Variants in SGK3 observed in about 807,000 individuals in gnomAD.
SGK3 encodes the protein serine/threonine-protein kinase Sgk3.
SGK3 carries 47 observed loss-of-function variants against 68.5 expected under a neutral mutation model. The ratio of observed to expected loss-of-function variants is 0.69; its 90% CI spans 0.54 to 0.87. SGK3 has a LOEUF of 0.87. SGK3 is among the 40% of genes least tolerant of loss of function. The pLI, the probability that SGK3 is intolerant of heterozygous loss-of-function variation, is 0.00. For synonymous variants in SGK3, 181 were observed against 189.1 expected, an observed-to-expected ratio of 0.96 and a Z score of 0.35; for missense variants, 479 against 575.5, an observed-to-expected ratio of 0.83 and a Z score of 1.72.
At chr8:66,833,911 G>A (rs1809403301) in intron 8 of SGK3, among the ~76,000 whole-genome samples, 1 of 151,814 alleles carries the variant, frequency 6.6e-6, no homozygotes, top group Non-Finnish European at 1.5e-5. Flanking sequence ...GGCTGGTCTC[G>A]AACTCCCGAC....
intron 1 of SGK3, among the ~76,000 whole-genome samples, chr8:66,735,819 C>G (rs114965865): frequency 0.041 from 6,165 of 151,990 alleles, 163 homozygotes; most frequent in African/African-American, 0.072. Flanking sequence ...AATTTTACTT[C>G]TCAGGTTTCA....
At chr8:66,725,161 G>A (rs553147028) in intron 1 of SGK3, among the ~76,000 whole-genome samples, 2 of 152,090 alleles carry the variant, frequency 1.3e-5, no homozygotes, top group African/African-American at 2.4e-5. Context: ...CCCAGGAGGC[G>A]GAGCTTGCAG....
At chr8:66,719,591 T>C (rs1379723177) in intron 1 of SGK3, among the ~76,000 whole-genome samples, 1 of 152,196 alleles carries the variant, frequency 6.6e-6, no homozygotes, top group East Asian at 1.9e-4. Context: ...AGTGCTGGAA[T>C]TGCAGATGTC....
chr8:66,828,980 G>T lies in SGK3; in HGVS notation c.467+277G>T, dbSNP rs1276822130. ...GGGTGGGTGGGGGGTGTGTGTGTGT[G>T]TGTGTGTGTGTGTGTGTGTCTAAAA... On this transcript the variant is annotated intron_variant, in intron 7 of 16. Coordinates refer to ENST00000521198, the MANE Select transcript of SGK3 (RefSeq NM_001033578.3). Among the ~76,000 whole-genome samples, 4 of 151,242 alleles carry T rather than the reference G, an allele frequency of 2.6e-5. No individual in the cohort carries two copies. In the East Asian group the frequency reaches 7.8e-4, roughly 29 times the overall value.
chr8:66,732,099 A>G (rs57894537), intron 1 of SGK3, among the ~76,000 whole-genome samples: 20,020 of 152,190 alleles, frequency 0.13, 2,511 homozygotes, highest in African/African-American at 0.33. Flanking sequence ...GAAAAGGTAA[A>G]CAGTTAAATT....
intron 1 of SGK3, among the ~76,000 whole-genome samples, chr8:66,762,101 C>T (rs1283330833): frequency 6.6e-6 from 1 of 152,142 alleles, no homozygotes; most frequent in Non-Finnish European, 1.5e-5. Flanking sequence ...TCACTGCAAC[C>T]TCTGCCACAG....
chr8:66,802,867 C>T (rs1020787736), intron 3 of SGK3, among the ~76,000 whole-genome samples: 2 of 152,088 alleles, frequency 1.3e-5, no homozygotes, highest in East Asian at 1.9e-4. Context: ...ATTACTGATA[C>T]GTGGCCATTC....
At chr8:66,845,676 C>T (rs1247681669) in intron 14 of SGK3, among the ~76,000 whole-genome samples, 1 of 151,208 alleles carries the variant, frequency 6.6e-6, no homozygotes, top group Non-Finnish European at 1.5e-5. Flanking sequence ...CAGGCATGCA[C>T]CACCCCACCT....
chr8:66,857,055 T>C (rs976958749), intron 16 of SGK3, among the ~76,000 whole-genome samples: 11 of 152,180 alleles, frequency 7.2e-5, no homozygotes, highest in Admixed American at 2.0e-4. Flanking sequence ...ATCACGCCAC[T>C]GCACTCTAGC....
chr8:66,796,614 A>C (rs575763241), intron 2 of SGK3, among the ~76,000 whole-genome samples: 1 of 151,754 alleles, frequency 6.6e-6, no homozygotes, highest in Non-Finnish European at 1.5e-5. Context: ...ATATTTTTAT[A>C]CTCTAGTTTT....
chr8:66,754,066 T>C (rs1390509338), intron 1 of SGK3, among the ~76,000 whole-genome samples: 1 of 152,172 alleles, frequency 6.6e-6, no homozygotes, highest in Non-Finnish European at 1.5e-5. Flanking sequence ...TTGTTTGATT[T>C]GTAACCCCCT....
chr8:66,732,883 A>C (rs941502083), intron 1 of SGK3, among the ~76,000 whole-genome samples: 1 of 152,204 alleles, frequency 6.6e-6, no homozygotes. Context: ...TTTTGATATT[A>C]TAAAAAAGCA....
chr8:66,793,692 A>C lies in SGK3; in HGVS notation c.-45A>C. The C allele has an allele frequency of 6.3e-7, 1 of 1,587,650 alleles. No individual in the cohort carries two copies. Among genetic ancestry groups the C allele is most frequent in the Non-Finnish European group, 8.6e-7 (1 of 1,163,780 alleles). ...AGTTAATTGGGTTTGTCCTCTGCTG[A>C]CTGTTTCTTCGGATGCATTTTTTGG... On this transcript the variant is annotated 5_prime_UTR_variant, in exon 2 of 17. Coordinates refer to ENST00000521198, the MANE Select transcript of SGK3 (RefSeq NM_001033578.3).
chr8:66,801,342 T>C (rs1221194735), intron 3 of SGK3, among the ~76,000 whole-genome samples: 1 of 152,164 alleles, frequency 6.6e-6, no homozygotes, highest in African/African-American at 2.4e-5. Flanking sequence ...TCAAAGGATA[T>C]TGAGATAGGT....
chr8:66,805,315 C>T (rs1048559068), intron 4 of SGK3, among the ~76,000 whole-genome samples: 3 of 151,724 alleles, frequency 2.0e-5, no homozygotes, highest in South Asian at 2.1e-4. Context: ...GTCAGGAGAT[C>T]GAGACCATCC....
Position 66,765,187 on chromosome 8 carries a change from C to T in SGK3, c.-121-28429C>T, listed in dbSNP as rs545034072. Among the ~76,000 whole-genome samples, 3 of 152,334 alleles carry T rather than the reference C, an allele frequency of 2.0e-5. No homozygotes were observed. The South Asian group carries it at 6.2e-4, about 32-fold the overall frequency. The stretch of plus-strand genomic sequence containing the variant: ...ATTTTACATTTTCACCACCAATGTA[C>T]AAGGCTTCAACTTCTCCACATCCTC... On this transcript the variant is annotated intron_variant, in intron 1 of 16. Coordinates refer to ENST00000521198, the MANE Select transcript of SGK3 (RefSeq NM_001033578.3).
At chr8:66,744,442 T>A (rs1354696571) in intron 1 of SGK3, among the ~76,000 whole-genome samples, 1 of 145,600 alleles carries the variant, frequency 6.9e-6, no homozygotes, top group East Asian at 2.0e-4. Context: ...TTCTGTTATT[T>A]GGTGAAATTA....
At chr8:66,784,600 T>G (rs1807124786) in intron 1 of SGK3, among the ~76,000 whole-genome samples, 1 of 151,906 alleles carries the variant, frequency 6.6e-6, no homozygotes, top group Non-Finnish European at 1.5e-5. Flanking sequence ...ATAAAAAAAT[T>G]TTTTTTGACT....
intron 1 of SGK3, chr8:66,767,493 A>G (rs541172077): frequency 1.2e-5 from 18 of 1,504,990 alleles, no homozygotes; most frequent in Admixed American, 5.0e-5. Flanking sequence ...TCCATGGTGG[A>G]GAGGGCATCT....
Sources: gnomAD v4.1 joint callset for allele counts (sites outside exome capture counted in the v4.1 genomes callset) on GRCh38, gnomAD v4.1.1 for gene constraint, MANE v1.5 for transcripts, NCBI Gene and HGNC (gene_info 2026-07-23, HGNC 2026-07-21) for gene names.